The following HOXD1 variants were observed in gnomAD, a reference collection of about 807,000 sequenced individuals.
The protein encoded by HOXD1 is homeobox protein Hox-D1.
Under a neutral mutation model 19.9 loss-of-function variants are expected in HOXD1, and 17 were observed. The observed-to-expected ratio is 0.85, with a 90% CI of 0.58 to 1.28. The LOEUF is 1.28. HOXD1 is among the 50% of genes most tolerant of loss of function. The pLI, the probability that HOXD1 is intolerant of heterozygous loss-of-function variation, is 0.00. For synonymous variants in HOXD1, 239 were observed against 216.0 expected (o/e 1.11, Z -0.93); for missense variants, 500 against 460.1 (o/e 1.09, Z -0.79).
In HOXD1 at chr2:176,189,440, T is replaced by A; in HGVS notation, c.639T>A (p.Asn213Lys). The change falls in exon 1 of 2, where the codon AAT becomes AAA. Residue 213 changes from asparagine (N) to lysine (K), a missense_variant. By Grantham distance (94) the Asn-to-Lys change is moderately conservative. Coordinates refer to ENST00000331462, the MANE Select transcript of HOXD1 (RefSeq NM_024501.3). ...STFEWMKVKR[N>K]ASKKGKLAEY... ...TCGAGTGGATGAAAGTGAAGAGGAATGCCTCTAAGAAAGGTAAGTCCGCGG... is the reference window on the plus strand; with the variant it reads ...TCGAGTGGATGAAAGTGAAGAGGAAAGCCTCTAAGAAAGGTAAGTCCGCGG... 2 of 1,612,184 alleles carry A rather than the reference T, an allele frequency of 1.2e-6. No individual in the cohort carries two copies. The highest frequency in any genetic ancestry group is 1.7e-6 in the Non-Finnish European group (2 of 1,179,342).
chr2:176,189,550 C>G (rs1319464772), intron 1 of HOXD1, 97 bp downstream of exon 1: 20 of 1,600,130 alleles, frequency 1.2e-5, no homozygotes, highest in Non-Finnish European at 1.7e-5. Flanking sequence ...CCTTTCCAGA[C>G]AGCGGTTTGG....
Position 176,188,796 on chromosome 2 carries a change from C to G in HOXD1, c.-6C>G, listed in dbSNP as rs775747158. ...CCTGCGCCCTCAGAAAGGTGGGGCC[C>G]GAACCATGAGCTCCTACCTGGAGTA... On this transcript the variant is annotated 5_prime_UTR_variant, in exon 1 of 2. Transcript: ENST00000331462. 4.4e-6 allele frequency: 7 copies of G among 1,607,320 alleles called. No homozygotes were observed. The highest frequency in any genetic ancestry group is 2.2e-5 in the East Asian group (1 of 44,490).
At chr2:176,189,579 G>A (rs770258640) in intron 1 of HOXD1, 126 bp downstream of exon 1, 1 of 1,574,268 alleles carries the variant, frequency 6.4e-7, no homozygotes, top group Non-Finnish European at 8.6e-7. Context: ...GAGGAGACGC[G>A]TTCCCGGGCG....
Position 176,190,364 on chromosome 2 carries a change from G to T in HOXD1, c.*222G>T, listed in dbSNP as rs1253470600. 1.9e-6 allele frequency: 1 copy of T among 533,720 alleles called. No individual in the cohort carries two copies. The highest frequency in any genetic ancestry group is 3.0e-5 in the East Asian group (1 of 33,546). 33.1% of individuals were successfully genotyped at this position (533,720 alleles called of 1,614,324 possible). A position where few individuals can be genotyped will look rare whatever the true frequency, so the allele number is the denominator to read the frequency against. ...AGCCACTTGTTTGGTTATGATTTGT[G>T]TCTTATCAGGGAAAAGGTGCCCAGC... On this transcript the variant is annotated 3_prime_UTR_variant, in exon 2 of 2. Transcript: ENST00000331462.
chr2:176,189,175 C>T lies in HOXD1; in HGVS notation c.374C>T (p.Ala125Val). Residue 125 changes from alanine to valine, a missense_variant, in exon 1 of 2, where the codon GCC becomes GTC. Ala to Val is a moderately conservative substitution (Grantham distance 64, BLOSUM62 0). Transcript: ENST00000331462. ...YDFPGVLGRA[A>V]DDGGSHVHYA... is the part of the protein sequence containing the mutation. ...TTCCCGGGCGTGCTGGGGCGGGCGGCCGACGACGGCGGGTCTCACGTCCAC... is the reference window on the plus strand; with the variant it reads ...TTCCCGGGCGTGCTGGGGCGGGCGGTCGACGACGGCGGGTCTCACGTCCAC... The T allele has an allele frequency of 2.6e-6, 4 of 1,558,352 alleles. No individual in the cohort carries two copies. The highest frequency in any genetic ancestry group is 3.5e-6 in the Non-Finnish European group (4 of 1,159,004).
chr2:176,189,086 C>A lies in HOXD1; in HGVS notation c.285C>A (p.Ala95=). The A allele has an allele frequency of 3.3e-6, 5 of 1,503,574 alleles. No individual in the cohort carries two copies. Among genetic ancestry groups the A allele is most frequent in the Non-Finnish European group, 4.4e-6 (5 of 1,134,574 alleles). The allele number at this position is 1,503,574 out of a possible 1,614,324, so 93.1% of individuals were successfully genotyped here. A position where few individuals can be genotyped will look rare whatever the true frequency, so the allele number is the denominator to read the frequency against. ...TGGAGGGGGCCTACGAACCTGGTGC[C>A]GCACCTGCCGCGGCAGCTGGGGGCG... The part of the protein sequence containing the change: ...CTLEGAYEPG[A]APAAAAGGAD... The change falls in exon 1 of 2, where the codon GCC becomes GCA. Residue 95 remains alanine, a synonymous_variant. Coordinates refer to ENST00000331462, the MANE Select transcript of HOXD1 (RefSeq NM_024501.3).
In HOXD1 at chr2:176,188,996, C is replaced by T. The variant is rs879077102; in HGVS notation, c.195C>T (p.Pro65=). ...PLAAARPSPS[P]PAAPARPSVP... ...CCGCCGCCCGACCCTCGCCTTCGCC[C>T]CCGGCCGCCCCCGCGCGGCCGTCCG... Residue 65 remains proline (P), a synonymous_variant, in exon 1 of 2, where the codon CCC becomes CCT. Transcript: ENST00000331462. 2 of 1,427,396 alleles carry T rather than the reference C, an allele frequency of 1.4e-6. No homozygotes were observed. Among genetic ancestry groups the T allele is most frequent in the Admixed American group, 6.3e-5 (2 of 31,588 alleles). 88.4% of individuals were successfully genotyped at this position (1,427,396 alleles called of 1,614,324 possible). A position where few individuals can be genotyped will look rare whatever the true frequency, so the allele number is the denominator to read the frequency against.
chr2:176,190,878 T>A lies in HOXD1; in HGVS notation c.*736T>A, dbSNP rs2105482235. ...TTTAATGTCATAGCATGTAAAGGGT[T>A]TTTTTTGTAATAAAAATTATAGAAT... On this transcript the variant is annotated 3_prime_UTR_variant, in exon 2 of 2. Transcript: ENST00000331462. 1 of 150,568 alleles carries A rather than the reference T, an allele frequency of 6.6e-6. No homozygotes were observed. The highest frequency in any genetic ancestry group is 1.5e-5 in the Non-Finnish European group (1 of 67,994). The allele number at this position is 150,568 out of a possible 1,614,324, so 9.3% of individuals were successfully genotyped here.
chr2:176,189,747 T>G (rs1691753533), intron 1 of HOXD1, 61 bp from the exon 2 acceptor site: 1 of 1,610,408 alleles, frequency 6.2e-7, no homozygotes, highest in African/African-American at 1.3e-5. Flanking sequence ...CTAGCTCCAC[T>G]GCTCACCCAC....
Position 176,189,462 on chromosome 2 carries a change from G to T in HOXD1, c.652+9G>T, listed in dbSNP as rs1001160152. 6.2e-7 allele frequency: 1 copy of T among 1,611,752 alleles called. No individual in the cohort carries two copies. The highest frequency in any genetic ancestry group is 8.5e-7 in the Non-Finnish European group (1 of 1,179,052). On this transcript the variant is annotated intron_variant, in intron 1 of 1. Transcript: ENST00000331462. The stretch of plus-strand genomic sequence containing the variant: ...GAATGCCTCTAAGAAAGGTAAGTCC[G>T]CGGGCCTTGGATGGGGCCACCTGGG...
In HOXD1 at chr2:176,188,921, C is replaced by T. The variant is rs772642783; in HGVS notation, c.120C>T (p.Ala40=). The change falls in exon 1 of 2, where the codon GCC becomes GCT. Residue 40 remains alanine (A), a synonymous_variant. Coordinates refer to ENST00000331462, the MANE Select transcript of HOXD1 (RefSeq NM_024501.3). ...CCCGGCCCGTGGCTCTGCAGCCCGC[C>T]TTCCCTCTGGGCAACGGCGACGGCG... ...SDARPVALQP[A]FPLGNGDGAF... The T allele has an allele frequency of 8.2e-6, 13 of 1,583,042 alleles. No individual in the cohort carries two copies. The Middle Eastern group carries it at 5.2e-4, about 63-fold the overall frequency.
In HOXD1 at chr2:176,188,727, G is replaced by A; in HGVS notation, c.-75G>A. The A allele has an allele frequency of 2.7e-6, 4 of 1,461,998 alleles. No homozygotes were observed. Among genetic ancestry groups the A allele is most frequent in the Non-Finnish European group, 2.8e-6 (3 of 1,064,376 alleles). 90.6% of individuals were successfully genotyped at this position (1,461,998 alleles called of 1,614,324 possible). A position where few individuals can be genotyped will look rare whatever the true frequency, so the allele number is the denominator to read the frequency against. On this transcript the variant is annotated 5_prime_UTR_variant, in exon 1 of 2. Transcript: ENST00000331462. ...GGCTGGCGGAGCGGCGCAGACGGCG[G>A]CAGTCCTGCTCAGCCTCTGCCCGGC...
Position 176,189,070 on chromosome 2 carries a change from C to T in HOXD1, c.269C>T (p.Ala90Val). 1 of 1,482,070 alleles carries T rather than the reference C, an allele frequency of 6.7e-7. No homozygotes were observed. Among genetic ancestry groups the T allele is most frequent in the Middle Eastern group, 2.3e-4 (1 of 4,338 alleles). The allele number at this position is 1,482,070 out of a possible 1,614,324, so 91.8% of individuals were successfully genotyped here. A position where few individuals can be genotyped will look rare whatever the true frequency, so the allele number is the denominator to read the frequency against. ...TACGCGCAGTGCACCCTGGAGGGGG[C>T]CTACGAACCTGGTGCCGCACCTGCC... ...PQYAQCTLEGAYEPGAAPAAA... is the reference protein window; with the variant it reads ...PQYAQCTLEGVYEPGAAPAAA... Residue 90 changes from alanine to valine, a missense_variant, in exon 1 of 2, where the codon GCC (alanine) becomes GTC (valine). Coordinates refer to ENST00000331462, the MANE Select transcript of HOXD1 (RefSeq NM_024501.3).
chr2:176,189,449 G>T lies in HOXD1; in HGVS notation c.648G>T (p.Lys216Asn). ...EWMKVKRNAS[K>N]KGKLAEYGAA... ...TGAAAGTGAAGAGGAATGCCTCTAA[G>T]AAAGGTAAGTCCGCGGGCCTTGGAT... Residue 216 changes from lysine (K) to asparagine (N), a missense_variant, in exon 1 of 2, where the codon AAG becomes AAT. By Grantham distance (94) the Lys-to-Asn change is moderately conservative. Coordinates refer to ENST00000331462, the MANE Select transcript of HOXD1 (RefSeq NM_024501.3). The T allele has an allele frequency of 6.2e-7, 1 of 1,612,044 alleles. No individual in the cohort carries two copies. The highest frequency in any genetic ancestry group is 8.5e-7 in the Non-Finnish European group (1 of 1,179,240).
In HOXD1 at chr2:176,188,900, GC is replaced by G; in HGVS notation, c.102del (p.Val35TrpfsTer174). The G allele has an allele frequency of 6.3e-7, 1 of 1,591,708 alleles. No homozygotes were observed. Among genetic ancestry groups the G allele is most frequent in the South Asian group, 1.1e-5 (1 of 89,108 alleles). On this transcript the variant is annotated frameshift_variant, in exon 1 of 2. Coordinates refer to ENST00000331462, the MANE Select transcript of HOXD1 (RefSeq NM_024501.3). LOFTEE classifies it high-confidence loss of function. Reference protein sequence around the residue: ...APKFCRSDARPVALQPAFPLG... With the variant: ...APKFCRSDARXVALQPAFPLG... ...CCAAGTTCTGCCGCTCCGACGCCCG[GC>G]CCGTGGCTCTGCAGCCCGCCTTCCC...
rs1691732188 is a variant in HOXD1 at position 176,189,079 on chromosome 2, C to T, written c.278C>T (p.Pro93Leu). The change falls in exon 1 of 2, where the codon CCT becomes CTT. Residue 93 changes from proline to leucine, a missense_variant. Coordinates refer to ENST00000331462, the MANE Select transcript of HOXD1 (RefSeq NM_024501.3). Reference sequence around the variant, plus strand: ...TGCACCCTGGAGGGGGCCTACGAACCTGGTGCCGCACCTGCCGCGGCAGCT... The same window carrying T: ...TGCACCCTGGAGGGGGCCTACGAACTTGGTGCCGCACCTGCCGCGGCAGCT... ...AQCTLEGAYE[P>L]GAAPAAAAGG... The T allele has an allele frequency of 6.7e-7, 1 of 1,495,334 alleles. No homozygotes were observed. The highest frequency in any genetic ancestry group is 8.8e-7 in the Non-Finnish European group (1 of 1,131,594). The allele number at this position is 1,495,334 out of a possible 1,614,324, so 92.6% of individuals were successfully genotyped here.
In HOXD1 at chr2:176,189,266, G is replaced by A; in HGVS notation, c.465G>A (p.Ala155=). The A allele has an allele frequency of 6.2e-7, 1 of 1,601,108 alleles. No individual in the cohort carries two copies. Among genetic ancestry groups the A allele is most frequent in the Non-Finnish European group, 8.5e-7 (1 of 1,174,710 alleles). The part of the protein sequence containing the change: ...SFLLSGQVDY[A]AFGEPGPFPA... ...TCCTCAGCGGCCAGGTGGATTACGC[G>A]GCCTTCGGCGAACCCGGCCCTTTTC... The change falls in exon 1 of 2, where the codon GCG becomes GCA. Residue 155 remains alanine (A), a synonymous_variant. Transcript: ENST00000331462.
Position 176,189,858 on chromosome 2 carries a change from A to T in HOXD1, c.703A>T (p.Asn235Tyr). The change falls in exon 2 of 2, where the codon AAT becomes TAT. Residue 235 changes from asparagine to tyrosine, a missense_variant. Coordinates refer to ENST00000331462, the MANE Select transcript of HOXD1 (RefSeq NM_024501.3). ...AASPSSAIRT[N>Y]FSTKQLTELE... ...TAGCCCCTCCAGCGCGATCCGCACG[A>T]ATTTCAGCACCAAGCAACTGACAGA... 6.2e-7 allele frequency: 1 copy of T among 1,614,214 alleles called. No homozygotes were observed. The highest frequency in any genetic ancestry group is 8.5e-7 in the Non-Finnish European group (1 of 1,180,048).
intron 1 of HOXD1, 36 bp downstream of exon 1, chr2:176,189,489 T>C: frequency 2.5e-6 from 4 of 1,612,288 alleles, no homozygotes; most frequent in Non-Finnish European, 3.4e-6. Flanking sequence ...CCACCTGGGG[T>C]TGGGGACGGA....
Sources: allele counts gnomAD v4.1 joint callset, GRCh38; gene constraint gnomAD v4.1.1; transcripts MANE v1.5; gene names NCBI Gene and HGNC (gene_info 2026-07-23, HGNC 2026-07-21).